Variants in AOPEP observed in about 807,000 individuals in gnomAD.
AOPEP encodes the protein aminopeptidase O.
Under a neutral mutation model 98.1 loss-of-function variants are expected in AOPEP, and 77 were observed. The ratio of observed to expected loss-of-function variants is 0.78; its 90% CI spans 0.65 to 0.95. AOPEP has a LOEUF of 0.95. Among genes scored for constraint, AOPEP ranks in the 40% least tolerant of loss-of-function variants. The probability of loss-of-function intolerance (pLI) is 0.00; values close to 1 mark genes in which losing one functional copy is unlikely to be tolerated. For missense variants in AOPEP, 1,024 were observed against 1,024.7 expected, an observed-to-expected ratio of 1.00 and a Z score of 0.01; for synonymous variants, 346 against 365.3, an observed-to-expected ratio of 0.95 and a Z score of 0.60.
intron 3 of AOPEP, among the ~76,000 whole-genome samples, chr9:94,776,236 T>G (rs1795548706): frequency 6.6e-6 from 1 of 152,140 alleles, no homozygotes; most frequent in Non-Finnish European, 1.5e-5. Flanking sequence ...CTTTCCCTTT[T>G]AGAATAAATT....
At chr9:94,977,824 C>T (rs1406750762) in intron 10 of AOPEP, among the ~76,000 whole-genome samples, 1 of 152,232 alleles carries the variant, frequency 6.6e-6, no homozygotes, top group Non-Finnish European at 1.5e-5. Context: ...GTCCCCTCCC[C>T]TTCTCTTGCC....
At position 95,024,167 on chromosome 9, in the gene AOPEP, C is replaced by T. The variant is rs547764243; in HGVS notation, c.2115+18551C>T. Among the ~76,000 whole-genome samples the T allele has an allele frequency of 2.7e-3, 408 of 152,292 alleles. 1 individual carries two copies. The highest frequency in any genetic ancestry group is 0.01 in the Middle Eastern group (3 of 294). ...TAGATCAGCCAGCCGGCTCTATCATCCAGGCAGGTTGTTGTTTTTCCCCAC... is the reference window on the plus strand; with the variant it reads ...TAGATCAGCCAGCCGGCTCTATCATTCAGGCAGGTTGTTGTTTTTCCCCAC... On this transcript the variant is annotated intron_variant, in intron 13 of 16. Transcript: ENST00000375315.
In AOPEP at chr9:94,784,759, G is replaced by A. The variant is rs188547954; in HGVS notation, c.965-8006G>A. Among the ~76,000 whole-genome samples, 604 of 152,170 alleles carry A rather than the reference G, an allele frequency of 4.0e-3. 2 individuals are homozygous for A. Among genetic ancestry groups the A allele is most frequent in the Non-Finnish European group, 5.8e-3 (395 of 68,006 alleles). On this transcript the variant is annotated intron_variant, in intron 3 of 16. Coordinates refer to ENST00000375315, the MANE Select transcript of AOPEP (RefSeq NM_001193329.3). ...GCCTCCTGAGTAGCTAGGATTACAG[G>A]TGCCCACCACCACGCCTGGCTAATT...
At chr9:95,046,713 G>A (rs2065898828) in intron 13 of AOPEP, among the ~76,000 whole-genome samples, 1 of 152,166 alleles carries the variant, frequency 6.6e-6, no homozygotes, top group Admixed American at 6.5e-5. Flanking sequence ...TTCTCCCTAG[G>A]TTCTCAGTTG....
chr9:94,765,848 G>A (rs181084292), intron 2 of AOPEP, among the ~76,000 whole-genome samples: 1 of 152,328 alleles, frequency 6.6e-6, no homozygotes, highest in East Asian at 1.9e-4. Flanking sequence ...CCATTTGGGA[G>A]TTGTGCCAGT....
intron 11 of AOPEP, among the ~76,000 whole-genome samples, chr9:95,000,986 T>C (rs1037930324): frequency 6.6e-6 from 1 of 152,160 alleles, no homozygotes; most frequent in African/African-American, 2.4e-5. Flanking sequence ...GGAATGTAAT[T>C]TGCCATCTGT....
chr9:95,026,019 G>A (rs557027786), intron 13 of AOPEP, among the ~76,000 whole-genome samples: 2 of 152,118 alleles, frequency 1.3e-5, no homozygotes, highest in African/African-American at 2.4e-5. Context: ...CCTCCCCCGT[G>A]TTCCTTTATT....
At chr9:94,827,448 G>C (rs1854888605) in intron 5 of AOPEP, among the ~76,000 whole-genome samples, 1 of 152,132 alleles carries the variant, frequency 6.6e-6, no homozygotes, top group Non-Finnish European at 1.5e-5. Flanking sequence ...TAAAATGTTT[G>C]TTGTCTTGGG....
At chr9:94,976,673 T>C (rs1453741410) in intron 10 of AOPEP, among the ~76,000 whole-genome samples, 1 of 149,790 alleles carries the variant, frequency 6.7e-6, no homozygotes, top group Non-Finnish European at 1.5e-5. Context: ...TTTTTTTTTC[T>C]TTTTGGGGGT....
chr9:95,118,448 G>A, the AOPEP span, among the ~76,000 whole-genome samples: 1 of 152,320 alleles, frequency 6.6e-6, no homozygotes, highest in East Asian at 1.9e-4. Context: ...AATCTATAAC[G>A]CATGGAGTGC....
intron 4 of AOPEP, among the ~76,000 whole-genome samples, chr9:94,793,215 A>C (rs1846130822): frequency 6.6e-6 from 1 of 151,026 alleles, no homozygotes; most frequent in South Asian, 2.1e-4. Context: ...AAATACAAAA[A>C]AATTAGCCGG....
At position 95,005,627 on chromosome 9, in the gene AOPEP, C is replaced by T; in HGVS notation, c.2115+11C>T. ...GAGGTGTTTGAAAAGGTAGGGGTTC[C>T]CGAGACGGTACTCGGTGCAGGTCTT... On this transcript the variant is annotated intron_variant, in intron 13 of 16. Coordinates refer to ENST00000375315, the MANE Select transcript of AOPEP (RefSeq NM_001193329.3). The T allele has an allele frequency of 6.2e-7, 1 of 1,612,602 alleles. No individual in the cohort carries two copies. The highest frequency in any genetic ancestry group is 8.5e-7 in the Non-Finnish European group (1 of 1,178,722).
intron 5 of AOPEP, among the ~76,000 whole-genome samples, chr9:94,898,770 C>T (rs2049944240): frequency 6.6e-6 from 1 of 151,532 alleles, no homozygotes; most frequent in African/African-American, 2.4e-5. Flanking sequence ...AGTGAAACTG[C>T]GTCTCTACTA....
the AOPEP span, among the ~76,000 whole-genome samples, chr9:95,138,047 G>C: frequency 1.3e-5 from 2 of 152,240 alleles, no homozygotes; most frequent in African/African-American, 4.8e-5. Flanking sequence ...AGAGGAGTGG[G>C]AAAGGCTGAA....
At chr9:95,008,875 TCTC>T (rs1484590855) in intron 13 of AOPEP, among the ~76,000 whole-genome samples, 6 of 152,230 alleles carry the variant, frequency 3.9e-5, no homozygotes, top group African/African-American at 1.4e-4. Flanking sequence ...TAGCCCTTGT[TCTC>T]CTGGTATGAC....
intron 2 of AOPEP, among the ~76,000 whole-genome samples, chr9:94,769,792 G>A (rs548073289): frequency 1.8e-4 from 28 of 152,308 alleles, no homozygotes; most frequent in African/African-American, 6.3e-4. Context: ...CCCCTTGATG[G>A]AAGAGGTCAG....
intron 2 of AOPEP, among the ~76,000 whole-genome samples, chr9:94,763,785 C>T (rs1209755781): frequency 1.3e-5 from 2 of 152,146 alleles, no homozygotes; most frequent in Non-Finnish European, 1.5e-5. Flanking sequence ...ATGCCCCAAG[C>T]CAAGCAACAA....
At chr9:95,072,917 C>T (rs1299604384) in intron 14 of AOPEP, among the ~76,000 whole-genome samples, 1 of 152,206 alleles carries the variant, frequency 6.6e-6, no homozygotes, top group East Asian at 1.9e-4. Flanking sequence ...CTGAGCCTTC[C>T]AGAGTTCAGC....
intron 13 of AOPEP, among the ~76,000 whole-genome samples, chr9:95,028,933 G>T (rs999708216): frequency 3.3e-5 from 5 of 152,236 alleles, no homozygotes; most frequent in Non-Finnish European, 5.9e-5. Context: ...GGCCCCAGAT[G>T]TCCGCAGTGT....
Sources: allele counts gnomAD v4.1 joint callset (sites outside exome capture counted in the v4.1 genomes callset), GRCh38; gene constraint gnomAD v4.1.1; transcripts MANE v1.5; gene names NCBI Gene and HGNC (gene_info 2026-07-23, HGNC 2026-07-21).